RAPGEF4: variants seen among roughly 807,000 people sequenced by gnomAD.
The protein encoded by RAPGEF4 is Rap guanine nucleotide exchange factor 4, also known as RAP guanine-nucleotide-exchange factor (GEF) 4.
Under a neutral mutation model 147.9 loss-of-function variants are expected in RAPGEF4, and 66 were observed. The observed-to-expected ratio is 0.45, with a 90% CI of 0.37 to 0.55. The LOEUF (loss-of-function observed/expected upper bound fraction) is 0.55. Among genes scored for constraint, RAPGEF4 ranks in the 20% least tolerant of loss-of-function variants. The pLI, the probability that RAPGEF4 is intolerant of heterozygous loss-of-function variation, is 0.00. For missense variants in RAPGEF4, 1,071 were observed against 1,257.3 expected (o/e 0.85, Z 2.24); for synonymous variants, 419 against 442.7 (o/e 0.95, Z 0.67).
chr2:173,024,822 T>A (rs1696503682), intron 23 of RAPGEF4, among the ~76,000 whole-genome samples: 1 of 152,232 alleles, frequency 6.6e-6, no homozygotes, highest in Non-Finnish European at 1.5e-5. Flanking sequence ...TACACGAAGA[T>A]GTGCTACTAA....
intron 1 of RAPGEF4, among the ~76,000 whole-genome samples, chr2:172,750,034 A>G (rs1176183726): frequency 6.6e-6 from 1 of 152,110 alleles, no homozygotes; most frequent in Non-Finnish European, 1.5e-5. Flanking sequence ...CATTGTTTAT[A>G]TCATTATCAA....
intron 10 of RAPGEF4, among the ~76,000 whole-genome samples, chr2:172,977,688 C>A (rs1350020192): frequency 2.6e-5 from 4 of 152,196 alleles, no homozygotes; most frequent in Admixed American, 6.5e-5. Flanking sequence ...CTCACCTCAA[C>A]TTTCAATCCT....
At chr2:172,982,154 G>C (rs1388556851) in intron 10 of RAPGEF4, among the ~76,000 whole-genome samples, 1 of 152,174 alleles carries the variant, frequency 6.6e-6, no homozygotes, top group Non-Finnish European at 1.5e-5. Flanking sequence ...ATCTAGCGCT[G>C]TGTTTAGTAC....
rs2149638478 is a variant in RAPGEF4 at position 172,823,370 on chromosome 2, A to T, written c.444+8945A>T. Among the ~76,000 whole-genome samples the T allele has an allele frequency of 2.6e-5, 4 of 152,260 alleles. No homozygotes were observed. In the South Asian group the frequency reaches 8.3e-4, roughly 32 times the overall value. Reference sequence around the variant, plus strand: ...AGGCATGGTGAGAACTCAGCCTGTCATGTGTTGTGATTCCAAATGTCTGGG... The same window carrying T: ...AGGCATGGTGAGAACTCAGCCTGTCTTGTGTTGTGATTCCAAATGTCTGGG... On this transcript the variant is annotated intron_variant, in intron 4 of 30. Transcript: ENST00000397081.
intron 1 of RAPGEF4, among the ~76,000 whole-genome samples, chr2:172,750,398 A>G (rs904656193): frequency 1.3e-5 from 2 of 152,046 alleles, no homozygotes; most frequent in Non-Finnish European, 2.9e-5. Flanking sequence ...AATTAGAACC[A>G]AGCAGAAGCG....
chr2:172,962,714 A>G (rs1299953792), intron 8 of RAPGEF4, among the ~76,000 whole-genome samples: 1 of 152,144 alleles, frequency 6.6e-6, no homozygotes, highest in African/African-American at 2.4e-5. Context: ...GACTTGAGAA[A>G]GTGCCTTAGT....
chr2:173,047,872 T>G (rs191283478), intron 29 of RAPGEF4, among the ~76,000 whole-genome samples: 4,104 of 152,230 alleles, frequency 0.027, 131 homozygotes, highest in African/African-American at 0.076. Flanking sequence ...GAGAGGGGGT[T>G]TCACCGTGTT....
intron 1 of RAPGEF4, among the ~76,000 whole-genome samples, chr2:172,776,708 C>T (rs1684195899): frequency 1.3e-5 from 2 of 151,846 alleles, no homozygotes; most frequent in South Asian, 2.1e-4. Context: ...TCTGCAGTGC[C>T]CAATCTACTA....
intron 1 of RAPGEF4, among the ~76,000 whole-genome samples, chr2:172,781,769 C>G (rs1352736837): frequency 1.3e-5 from 2 of 152,100 alleles, no homozygotes. Context: ...AATACAACAC[C>G]TAATATATAA....
At chr2:172,773,432 A>G (rs1275815820) in intron 1 of RAPGEF4, among the ~76,000 whole-genome samples, 2 of 152,150 alleles carry the variant, frequency 1.3e-5, no homozygotes, top group African/African-American at 2.4e-5. Context: ...GTAAAGTCAC[A>G]TTTTTCGTTT....
chr2:172,777,475 G>A (rs1177929771), intron 1 of RAPGEF4, among the ~76,000 whole-genome samples: 1 of 152,082 alleles, frequency 6.6e-6, no homozygotes, highest in African/African-American at 2.4e-5. Context: ...TCAGCACTGT[G>A]TGACCTCTGG....
chr2:172,792,405 T>C (rs926967691), intron 1 of RAPGEF4, among the ~76,000 whole-genome samples: 3 of 152,182 alleles, frequency 2.0e-5, no homozygotes, highest in African/African-American at 7.2e-5. Flanking sequence ...TACTGATGTG[T>C]TGTATTTCCC....
chr2:172,969,919 ACT>A, intron 10 of RAPGEF4, among the ~76,000 whole-genome samples: 1 of 152,018 alleles, frequency 6.6e-6, no homozygotes, highest in African/African-American at 2.4e-5. Flanking sequence ...CAAAACTGAC[ACT>A]CTTCCATTAT....
chr2:172,756,915 G>A (rs1422409259), intron 1 of RAPGEF4, among the ~76,000 whole-genome samples: 2 of 152,186 alleles, frequency 1.3e-5, no homozygotes, highest in East Asian at 3.9e-4. Context: ...ATATTTTCCA[G>A]ACGTGTGCCT....
intron 17 of RAPGEF4, among the ~76,000 whole-genome samples, chr2:173,008,713 C>T (rs903034638): frequency 1.6e-4 from 25 of 152,242 alleles, no homozygotes; most frequent in Non-Finnish European, 3.5e-4. Flanking sequence ...GAGGTTTTCA[C>T]TTACTTTCCC....
intron 1 of RAPGEF4, among the ~76,000 whole-genome samples, chr2:172,782,528 T>G (rs1684779065): frequency 6.6e-6 from 1 of 152,176 alleles, no homozygotes; most frequent in African/African-American, 2.4e-5. Flanking sequence ...CTCCGTGGGC[T>G]CTCCTACTAT....
At chr2:172,952,089 C>A (rs571274583) in intron 6 of RAPGEF4, among the ~76,000 whole-genome samples, 2 of 152,302 alleles carry the variant, frequency 1.3e-5, no homozygotes, top group Admixed American at 6.5e-5. Context: ...TAGCTCACTG[C>A]AACCTCAAAC....
intron 10 of RAPGEF4, among the ~76,000 whole-genome samples, chr2:172,977,247 AC>A (rs1410971992): frequency 6.6e-6 from 1 of 152,040 alleles, no homozygotes; most frequent in African/African-American, 2.4e-5. Context: ...TACTGTTTGA[AC>A]AGTCTGGGGG....
chr2:172,750,982 T>C (rs1369914451), intron 1 of RAPGEF4, among the ~76,000 whole-genome samples: 1 of 152,236 alleles, frequency 6.6e-6, no homozygotes, highest in Non-Finnish European at 1.5e-5. Flanking sequence ...AGTCATTAGT[T>C]ATTTACTGGA....
Sources: gnomAD v4.1 joint callset for allele counts (sites outside exome capture counted in the v4.1 genomes callset) on GRCh38, gnomAD v4.1.1 for gene constraint, MANE v1.5 for transcripts, NCBI Gene and HGNC (gene_info 2026-07-23, HGNC 2026-07-21) for gene names.